RBM47: variants seen among roughly 807,000 people sequenced by gnomAD.
RBM47 encodes the protein RNA binding motif protein 47.
RBM47 carries 21 observed loss-of-function variants against 47.1 expected under a neutral mutation model. That is an observed-to-expected ratio of 0.45 (90% CI 0.32 to 0.64). The LOEUF (loss-of-function observed/expected upper bound fraction) is 0.64. Among genes scored for constraint, RBM47 ranks in the 30% least tolerant of loss-of-function variants. RBM47 has a pLI of 0.05. For synonymous variants in RBM47, 375 were observed against 361.7 expected (o/e 1.04, Z -0.42); for missense variants, 708 against 870.9 (o/e 0.81, Z 2.35).
chr4:40,442,593 AG>A (rs1713827613), intron 3 of RBM47, among the ~76,000 whole-genome samples: 1 of 152,256 alleles, frequency 6.6e-6, no homozygotes, highest in Non-Finnish European at 1.5e-5. Flanking sequence ...AGTTGCCAAA[AG>A]ATGGAAGCAA....
intron 2 of RBM47, among the ~76,000 whole-genome samples, chr4:40,515,504 T>G (rs1160517212): frequency 1.3e-5 from 2 of 152,178 alleles, no homozygotes; most frequent in South Asian, 2.1e-4. Context: ...ACAGGCAGGA[T>G]AGGCAAATAA....
intron 3 of RBM47, among the ~76,000 whole-genome samples, chr4:40,448,599 G>T (rs1379877071): frequency 6.6e-6 from 1 of 152,110 alleles, no homozygotes; most frequent in African/African-American, 2.4e-5. Context: ...AAAGGCTTTG[G>T]AGTCAGAGAT....
chr4:40,456,571 CTTT>C (rs34320480), intron 3 of RBM47, among the ~76,000 whole-genome samples: 2 of 112,566 alleles, frequency 1.8e-5, no homozygotes, highest in Admixed American at 1.1e-4. Context: ...TTTCTTTTTT[CTTT>C]TTTTTTTTTT....
chr4:40,563,542 C>G (rs1197641150), intron 1 of RBM47, among the ~76,000 whole-genome samples: 1 of 152,190 alleles, frequency 6.6e-6, no homozygotes. Flanking sequence ...ACCTGAGATT[C>G]AGAGAGAAAG....
chr4:40,443,941 G>A (rs569956522), intron 3 of RBM47, among the ~76,000 whole-genome samples: 81 of 152,206 alleles, frequency 5.3e-4, no homozygotes, highest in African/African-American at 1.9e-3. Context: ...GCTCACGCCT[G>A]TAATTCTGGC....
intron 6 of RBM47, 56 bp downstream of exon 6, chr4:40,432,595 C>T (rs1034933514): frequency 4.4e-6 from 7 of 1,602,812 alleles, no homozygotes; most frequent in Non-Finnish European, 5.9e-6. Context: ...CTAAATGAAT[C>T]CATGTTAAAG....
chr4:40,599,422 A>T (rs1735043172), intron 1 of RBM47, among the ~76,000 whole-genome samples: 1 of 152,126 alleles, frequency 6.6e-6, no homozygotes, highest in Admixed American at 6.6e-5. Flanking sequence ...GCAGATTTAA[A>T]ATGTCTGTAA....
At chr4:40,588,885 T>G (rs1733848044) in intron 1 of RBM47, among the ~76,000 whole-genome samples, 1 of 152,104 alleles carries the variant, frequency 6.6e-6, no homozygotes, top group Non-Finnish European at 1.5e-5. Context: ...TTATGTTCTC[T>G]TTCAGTCCCT....
At chr4:40,529,756 A>G (rs1266344718) in intron 2 of RBM47, among the ~76,000 whole-genome samples, 5 of 142,414 alleles carry the variant, frequency 3.5e-5, no homozygotes, top group Non-Finnish European at 4.6e-5. Flanking sequence ...CTGAACCCGG[A>G]AGGCGGAGGT....
At chr4:40,595,314 G>T (rs890170982) in intron 1 of RBM47, among the ~76,000 whole-genome samples, 1 of 151,976 alleles carries the variant, frequency 6.6e-6, no homozygotes, top group African/African-American at 2.4e-5. Flanking sequence ...GACCAACAAG[G>T]TGAAACCCAT....
chr4:40,436,241 T>TA (rs1394654352), intron 5 of RBM47, among the ~76,000 whole-genome samples, 200 bp downstream of exon 5: 2 of 151,114 alleles, frequency 1.3e-5, no homozygotes, highest in Non-Finnish European at 3.0e-5. Flanking sequence ...GATTTGAACA[T>TA]AGTCAAAGCT....
intron 1 of RBM47, among the ~76,000 whole-genome samples, chr4:40,579,061 G>C (rs1258313387): frequency 6.6e-6 from 1 of 151,078 alleles, no homozygotes; most frequent in African/African-American, 2.4e-5. Flanking sequence ...GGAGGCTACA[G>C]TGAGCCAAGA....
chr4:40,463,974 C>A (rs573576711), intron 3 of RBM47, among the ~76,000 whole-genome samples: 1 of 152,172 alleles, frequency 6.6e-6, no homozygotes, highest in South Asian at 2.1e-4. Context: ...AAGAGCTTTA[C>A]AGTGTTCATT....
intron 5 of RBM47, among the ~76,000 whole-genome samples, chr4:40,435,562 C>G (rs534885571): frequency 6.6e-6 from 1 of 152,134 alleles, no homozygotes; most frequent in Admixed American, 6.5e-5. Context: ...AACAACAAAA[C>G]TTTCACCACT....
chr4:40,502,619 A>C (rs1723521719), intron 2 of RBM47, among the ~76,000 whole-genome samples: 1 of 152,176 alleles, frequency 6.6e-6, no homozygotes, highest in Non-Finnish European at 1.5e-5. Flanking sequence ...CTGAGGCAGG[A>C]AGATTGCTTG....
intron 2 of RBM47, among the ~76,000 whole-genome samples, chr4:40,519,858 C>T (rs1252310708): frequency 2.6e-5 from 4 of 151,600 alleles, no homozygotes; most frequent in South Asian, 2.1e-4. Context: ...TTAGTAGAGA[C>T]GGGGTTTCAC....
intron 1 of RBM47, among the ~76,000 whole-genome samples, chr4:40,609,055 A>G (rs1467492028): frequency 6.6e-6 from 1 of 152,058 alleles, no homozygotes; most frequent in Non-Finnish European, 1.5e-5. Context: ...GTGCGGTGGC[A>G]TGATCTCAGC....
At chr4:40,545,891 A>G (rs989199364) in intron 1 of RBM47, among the ~76,000 whole-genome samples, 2 of 152,036 alleles carry the variant, frequency 1.3e-5, no homozygotes, top group Non-Finnish European at 2.9e-5. Flanking sequence ...AATAGTACCC[A>G]TTTGTTGGAG....
At chr4:40,553,367 G>A (rs1208310422) in intron 1 of RBM47, among the ~76,000 whole-genome samples, 4 of 151,400 alleles carry the variant, frequency 2.6e-5, no homozygotes, top group East Asian at 1.9e-4. Context: ...GCGTGGTCTC[G>A]GCTCACTCCA....
Sources: allele counts gnomAD v4.1 joint callset (sites outside exome capture counted in the v4.1 genomes callset), GRCh38; gene constraint gnomAD v4.1.1; transcripts MANE v1.5; gene names NCBI Gene and HGNC (gene_info 2026-07-23, HGNC 2026-07-21).